Variants in SCN7A observed in about 807,000 individuals in gnomAD.
SCN7A encodes sodium channel protein type 7 subunit alpha.
A neutral mutation model predicts 155.2 loss-of-function variants in SCN7A; 138 were observed. The ratio of observed to expected loss-of-function variants is 0.89; its 90% CI spans 0.77 to 1.02. SCN7A has a LOEUF of 1.02. SCN7A is among the 50% of genes least tolerant of loss of function. The probability of loss-of-function intolerance (pLI) is 0.00; values close to 1 mark genes in which losing one functional copy is unlikely to be tolerated. For missense variants in SCN7A, 2,058 were observed against 1,986.6 expected, an observed-to-expected ratio of 1.04 and a Z score of -0.68; for synonymous variants, 693 against 649.0, an observed-to-expected ratio of 1.07 and a Z score of -1.03.
intron 3 of SCN7A, among the ~76,000 whole-genome samples, chr2:166,476,903 C>T (rs1040705469): frequency 6.6e-6 from 1 of 152,002 alleles, no homozygotes; most frequent in Non-Finnish European, 1.5e-5. Context: ...TTGGTTCATA[C>T]CAATCTCTGA....
intron 11 of SCN7A, among the ~76,000 whole-genome samples, chr2:166,456,599 T>G (rs1702280118): frequency 2.6e-5 from 4 of 151,960 alleles, no homozygotes; most frequent in Admixed American, 2.6e-4. Flanking sequence ...CCACCTTAAC[T>G]CTAACCTTGG....
intron 3 of SCN7A, among the ~76,000 whole-genome samples, chr2:166,475,970 T>C (rs1166411016): frequency 1.3e-5 from 2 of 151,938 alleles, no homozygotes; most frequent in Non-Finnish European, 1.5e-5. Context: ...TTGCCAGCCA[T>C]GTCTGTACAT....
At chr2:166,414,261 T>TAATATATTTATATATATGTAA (rs1559088635) in intron 21 of SCN7A, among the ~76,000 whole-genome samples, 1 of 65,440 alleles carries the variant, frequency 1.5e-5, no homozygotes, top group African/African-American at 6.8e-5. Context: ...TATAGATATA[T>TAATATATTTATATATATGTAA]ATACACACAC....
intron 1 of SCN7A, among the ~76,000 whole-genome samples, chr2:166,490,669 C>A (rs867334806): frequency 6.6e-6 from 1 of 152,088 alleles, no homozygotes; most frequent in Non-Finnish European, 1.5e-5. Flanking sequence ...TTGACCCAGG[C>A]ATTTTCTGAA....
intron 15 of SCN7A, 127 bp from the exon 16 acceptor site, chr2:166,432,879 A>T: frequency 1.6e-6 from 1 of 635,644 alleles, no homozygotes; most frequent in Non-Finnish European, 2.6e-6. Context: ...CAAGAATACA[A>T]TATATTGTAA....
At chr2:166,430,837 A>T (rs1416996375) in intron 16 of SCN7A, among the ~76,000 whole-genome samples, 1 of 152,012 alleles carries the variant, frequency 6.6e-6, no homozygotes, top group African/African-American at 2.4e-5. Context: ...CATTTATAAT[A>T]TTTTTGTGTT....
chr2:166,423,235 T>C lies in SCN7A; in HGVS notation c.3027+24A>G, dbSNP rs1701548152. On this transcript the variant is annotated intron_variant, in intron 19 of 25. Transcript: ENST00000643258. Reference sequence around the variant, plus strand: ...GGAAGAAAAAGTAAATCAAATAGCCTTTCATTTTCTTTAAAATACGTACAA... The same window carrying C: ...GGAAGAAAAAGTAAATCAAATAGCCCTTCATTTTCTTTAAAATACGTACAA... The C allele has an allele frequency of 2.5e-6, 4 of 1,590,466 alleles. No homozygotes were observed. In the African/African-American group the frequency reaches 5.5e-5, roughly 22 times the overall value.
At chr2:166,450,330 C>G (rs374882979) in intron 11 of SCN7A, among the ~76,000 whole-genome samples, 3 of 152,208 alleles carry the variant, frequency 2.0e-5, no homozygotes, top group East Asian at 1.9e-4. Flanking sequence ...AGGGGGAAGG[C>G]TTGCGGGTGG....
intron 21 of SCN7A, among the ~76,000 whole-genome samples, chr2:166,414,187 A>ATATAATATATTATATATGTAAAT (rs1268499570): frequency 1.7e-3 from 38 of 22,692 alleles, no homozygotes; most frequent in African/African-American, 5.6e-3. Flanking sequence ...AAATATATAT[A>ATATAATATATTATATATGTAAAT]ATATATAATA....
At chr2:166,417,099 A>C (rs753485434) in intron 20 of SCN7A, 114 bp from the exon 21 acceptor site, 12 of 808,122 alleles carry the variant, frequency 1.5e-5, no homozygotes, top group Non-Finnish European at 2.3e-5. Flanking sequence ...AAAACCTTAA[A>C]AGGCCATATC....
intron 1 of SCN7A, among the ~76,000 whole-genome samples, chr2:166,491,868 T>C (rs967887668): frequency 6.6e-6 from 1 of 151,952 alleles, no homozygotes; most frequent in Non-Finnish European, 1.5e-5. Flanking sequence ...ACCCAATGCC[T>C]CCACCATAAG....
chr2:166,478,023 T>A (rs1702840517), intron 2 of SCN7A, among the ~76,000 whole-genome samples: 1 of 151,888 alleles, frequency 6.6e-6, no homozygotes, highest in South Asian at 2.1e-4. Flanking sequence ...AGAGATACTT[T>A]TTTCTGGCCA....
rs762301101 is a variant in SCN7A, at chr2:166,406,545, C to A, written c.4084G>T (p.Gly1362Ter). 8 of 1,612,660 alleles carry A rather than the reference C, an allele frequency of 5.0e-6. No individual in the cohort carries two copies. In the African/African-American group the frequency reaches 6.7e-5, roughly 13 times the overall value. ...ATCAGATTATGAAACACCTTTGGTCCTTTTCCAAGACGCAGCATGTGAATG... is the reference window on the plus strand; with the variant it reads ...ATCAGATTATGAAACACCTTTGGTCATTTTCCAAGACGCAGCATGTGAATG... ...RIIHMLRLGK[G>*]PKVFHNLMLP... Residue 1362 changes from glycine to a stop codon, truncating the protein, a stop_gained, in exon 26 of 26, where the codon GGA becomes TGA. Coordinates refer to ENST00000643258, the MANE Select transcript of SCN7A (RefSeq NM_002976.4). LOFTEE classifies it high-confidence loss of function.
chr2:166,466,488 C>T (rs1442491621), intron 7 of SCN7A, among the ~76,000 whole-genome samples: 1 of 152,002 alleles, frequency 6.6e-6, no homozygotes, highest in East Asian at 1.9e-4. Flanking sequence ...GTATTTATAT[C>T]AGAATACTAA....
chr2:166,436,487 C>T (rs1183686898), intron 15 of SCN7A: 3 of 371,490 alleles, frequency 8.1e-6, no homozygotes, highest in Non-Finnish European at 1.6e-5. Flanking sequence ...GTAAATTATC[C>T]AGCCTTGGTT....
intron 10 of SCN7A, among the ~76,000 whole-genome samples, chr2:166,460,633 T>C (rs1483033194): frequency 6.6e-6 from 1 of 152,098 alleles, no homozygotes; most frequent in Non-Finnish European, 1.5e-5. Flanking sequence ...TTTCACAGCA[T>C]AAATTTGAAG....
Position 166,410,737 on chromosome 2 carries a change from T to C in SCN7A, c.3607-413A>G, listed in dbSNP as rs187954925. 3.9e-3 allele frequency among the ~76,000 whole-genome samples: 600 copies of C among 152,154 alleles called. 3 individuals carry two copies. The highest frequency in any genetic ancestry group is 5.2e-3 in the Non-Finnish European group (350 of 67,960). On this transcript the variant is annotated intron_variant, in intron 23 of 25. Transcript: ENST00000643258. The stretch of plus-strand genomic sequence containing the variant: ...CAGAAATGATCATATGTGATCATTT[T>C]TATATGACTATATATTGCTTTATTT...
At chr2:166,434,154 A>G (rs1273238449) in intron 15 of SCN7A, among the ~76,000 whole-genome samples, 1 of 151,836 alleles carries the variant, frequency 6.6e-6, no homozygotes, top group Non-Finnish European at 1.5e-5. Context: ...TCCAATAATT[A>G]CTCTTTTTCT....
intron 11 of SCN7A, among the ~76,000 whole-genome samples, chr2:166,456,453 A>T (rs1476840569): frequency 6.6e-6 from 1 of 152,186 alleles, no homozygotes; most frequent in African/African-American, 2.4e-5. Flanking sequence ...AACTGCATAG[A>T]AAAATAAAAG....
Sources: gnomAD v4.1 joint callset for allele counts (sites outside exome capture counted in the v4.1 genomes callset) on GRCh38, gnomAD v4.1.1 for gene constraint, MANE v1.5 for transcripts, NCBI Gene and HGNC (gene_info 2026-07-23, HGNC 2026-07-21) for gene names.